The following RNF24 variants were observed in gnomAD, a reference collection of about 807,000 sequenced individuals.
RNF24 encodes ring finger protein 24.
In RNF24, 14 loss-of-function variants were observed where a neutral mutation model predicts 20.0. The observed-to-expected ratio is 0.70, with a 90% confidence interval of 0.46 to 1.10. The LOEUF is 1.10. Among genes scored for constraint, RNF24 ranks in the 50% least tolerant of loss-of-function variants. RNF24 has a pLI of 0.00. For synonymous variants in RNF24, 45 were observed against 61.1 expected, an observed-to-expected ratio of 0.74 and a Z score of 1.23; for missense variants, 124 against 177.6, an observed-to-expected ratio of 0.70 and a Z score of 1.71.
intron 2 of RNF24, among the ~76,000 whole-genome samples, chr20:3,951,346 A>C (rs1316917785): frequency 6.6e-6 from 1 of 152,148 alleles, no homozygotes; most frequent in Non-Finnish European, 1.5e-5. Flanking sequence ...TCTTGGTGGA[A>C]TTTGAAGATT....
intron 4 of RNF24, among the ~76,000 whole-genome samples, chr20:3,937,612 C>T (rs1293166608): frequency 6.7e-6 from 1 of 148,832 alleles, no homozygotes; most frequent in South Asian, 2.2e-4. Context: ...TCCCCATTCT[C>T]CCCTTTCCCC....
At chr20:3,958,428 T>G (rs956498929) in intron 2 of RNF24, among the ~76,000 whole-genome samples, 2 of 152,224 alleles carry the variant, frequency 1.3e-5, no homozygotes, top group Admixed American at 6.5e-5. Flanking sequence ...TGTATCCACT[T>G]TCACCTACTA....
chr20:3,971,842 C>T (rs1354206811), intron 1 of RNF24, among the ~76,000 whole-genome samples: 1 of 151,830 alleles, frequency 6.6e-6, no homozygotes, highest in African/African-American at 2.4e-5. Context: ...TTTAAATATG[C>T]CAATTAAAAC....
intron 4 of RNF24, among the ~76,000 whole-genome samples, chr20:3,940,912 T>C (rs764483399): frequency 4.6e-5 from 7 of 152,160 alleles, no homozygotes; most frequent in Non-Finnish European, 5.9e-5. Flanking sequence ...TAAAGGAAAG[T>C]TCATTATGAA....
At chr20:4,009,399 A>AAG (rs1260751661) in intron 1 of RNF24, among the ~76,000 whole-genome samples, 1 of 152,160 alleles carries the variant, frequency 6.6e-6, no homozygotes, top group Non-Finnish European at 1.5e-5. Context: ...TGCAAGAGAG[A>AAG]GGGCAAAAAT....
rs529284095 is a variant in RNF24 at position 3,968,466 on chromosome 20, A to G, written c.-7-4442T>C. ...TGTACAAATAAAAATAAAAATTAAAAAATTAGTTGGGCATGGTGGCATGTG... is the reference window on the plus strand; with the variant it reads ...TGTACAAATAAAAATAAAAATTAAAGAATTAGTTGGGCATGGTGGCATGTG... On this transcript the variant is annotated intron_variant, in intron 1 of 5. Coordinates refer to ENST00000358395, the MANE Select transcript of RNF24 (RefSeq NM_001134337.3). Among the ~76,000 whole-genome samples, 18 of 152,240 alleles carry G rather than the reference A, an allele frequency of 1.2e-4. No individual in the cohort carries two copies. In the South Asian group the frequency reaches 1.7e-3, roughly 14 times the overall value.
rs571292369 is a variant in RNF24, at chr20:3,988,032, G to A, written c.-7-24008C>T. Among the ~76,000 whole-genome samples, 18 of 151,844 alleles carry A rather than the reference G, an allele frequency of 1.2e-4. No individual in the cohort carries two copies. The South Asian group carries it at 3.5e-3, about 30-fold the overall frequency. On this transcript the variant is annotated intron_variant, in intron 1 of 5. Transcript: ENST00000358395. ...AAAATAAAAAAAAAAAATTTTTTTT[G>A]GTATTTCAGGCTGGGCGTGGTCGCT...
intron 4 of RNF24, among the ~76,000 whole-genome samples, chr20:3,936,876 C>T (rs1159929161): frequency 3.3e-5 from 5 of 152,106 alleles, no homozygotes; most frequent in South Asian, 2.1e-4. Flanking sequence ...CTTGCTCTGT[C>T]GCCAGGCTGG....
chr20:3,974,311 T>C (rs1463190876), intron 1 of RNF24: 1 of 1,549,214 alleles, frequency 6.5e-7, no homozygotes, highest in Non-Finnish European at 8.7e-7. Flanking sequence ...TATTCTTAAT[T>C]GTGAAAGACT....
chr20:3,978,327 C>T (rs1012722497), intron 1 of RNF24, among the ~76,000 whole-genome samples: 1 of 151,816 alleles, frequency 6.6e-6, no homozygotes, highest in Non-Finnish European at 1.5e-5. Flanking sequence ...TGAGCCACCA[C>T]GCCCAGCCAA....
chr20:3,967,053 A>G (rs1176970596), intron 1 of RNF24, among the ~76,000 whole-genome samples: 2 of 152,230 alleles, frequency 1.3e-5, no homozygotes, highest in African/African-American at 4.8e-5. Flanking sequence ...ACTACAATTG[A>G]TATGTTGGCC....
At chr20:3,957,168 C>CCG (rs2091151968) in intron 2 of RNF24, among the ~76,000 whole-genome samples, 1 of 151,734 alleles carries the variant, frequency 6.6e-6, no homozygotes, top group Non-Finnish European at 1.5e-5. Context: ...CATGGTGGTA[C>CCG]ACGCCTGTAA....
At chr20:3,966,285 A>G (rs570844667) in intron 1 of RNF24, among the ~76,000 whole-genome samples, 75 of 152,266 alleles carry the variant, frequency 4.9e-4, no homozygotes, top group African/African-American at 1.7e-3. Flanking sequence ...TGCTCCCAGG[A>G]TGTCACTAGC....
chr20:3,961,485 A>G (rs902035502), intron 2 of RNF24, among the ~76,000 whole-genome samples: 1 of 152,122 alleles, frequency 6.6e-6, no homozygotes, highest in Admixed American at 6.5e-5. Context: ...TGATTATTAA[A>G]AGGAATACAA....
chr20:3,955,851 G>T (rs1429463819), intron 2 of RNF24, among the ~76,000 whole-genome samples: 1 of 152,062 alleles, frequency 6.6e-6, no homozygotes, highest in East Asian at 1.9e-4. Context: ...CACTTCCCTG[G>T]TTAACTTTAT....
chr20:3,952,020 T>G (rs546784218), intron 2 of RNF24, among the ~76,000 whole-genome samples: 1 of 152,302 alleles, frequency 6.6e-6, no homozygotes, highest in South Asian at 2.1e-4. Flanking sequence ...GAACAGCACT[T>G]TCTCTTAATA....
chr20:3,953,930 T>C (rs2091112338), intron 2 of RNF24, among the ~76,000 whole-genome samples: 1 of 149,342 alleles, frequency 6.7e-6, no homozygotes, highest in Non-Finnish European at 1.5e-5. Flanking sequence ...CTAATTTTTA[T>C]ATTTTTAGTA....
intron 3 of RNF24, 110 bp from the exon 4 acceptor site, chr20:3,945,328 T>C: frequency 1.9e-6 from 2 of 1,026,012 alleles, no homozygotes; most frequent in South Asian, 3.4e-5. Flanking sequence ...ATTTCCCTCA[T>C]ATTCAATATT....
chr20:3,998,167 G>A (rs556320775), intron 1 of RNF24, among the ~76,000 whole-genome samples: 3 of 152,292 alleles, frequency 2.0e-5, no homozygotes, highest in East Asian at 1.9e-4. Context: ...GTGGCCAGGC[G>A]TGGTGGCTCA....
Sources: gnomAD v4.1 joint callset for allele counts (sites outside exome capture counted in the v4.1 genomes callset) on GRCh38, gnomAD v4.1.1 for gene constraint, MANE v1.5 for transcripts, NCBI Gene and HGNC (gene_info 2026-07-23, HGNC 2026-07-21) for gene names.